Variants in CYP4B1 observed in about 807,000 individuals in gnomAD.
CYP4B1 encodes the protein cytochrome P450 family 4 subfamily B member 1.
A neutral mutation model predicts 54.0 loss-of-function variants in CYP4B1; 45 were observed. The observed-to-expected ratio is 0.83, with a 90% CI of 0.66 to 1.07. CYP4B1 has a LOEUF of 1.07. Ranked by LOEUF, CYP4B1 falls within the 50% of genes least tolerant of loss-of-function variation. The pLI is 0.00. For missense variants in CYP4B1, 656 were observed against 655.4 expected (o/e 1.00, Z -0.01); for synonymous variants, 248 against 247.5 (o/e 1.00, Z -0.02).
intron 8 of CYP4B1, among the ~76,000 whole-genome samples, chr1:46,815,949 A>G (rs1679317712): frequency 6.6e-6 from 1 of 152,100 alleles, no homozygotes; most frequent in Non-Finnish European, 1.5e-5. Context: ...AGCAGCCTCC[A>G]AGAGGGGGCT....
chr1:46,815,184 C>A lies in CYP4B1; in HGVS notation c.993C>A (p.Cys331Ter). ...TTSGISWFLY[C>*]MALYPEHQHR... The stretch of plus-strand genomic sequence containing the variant: ...GTGGTATCTCCTGGTTTCTCTACTG[C>A]ATGGCCCTGTACCCTGAGCACCAGC... Residue 331 changes from cysteine to a stop codon, truncating the protein, a stop_gained, in exon 8 of 12, where the codon TGC (cysteine) becomes TGA (stop). Transcript: ENST00000371923. LOFTEE classifies it high-confidence loss of function. 5 of 1,613,392 alleles carry A rather than the reference C, an allele frequency of 3.1e-6. No homozygotes were observed. The highest frequency in any genetic ancestry group is 4.2e-6 in the Non-Finnish European group (5 of 1,179,582).
chr1:46,802,036 G>A (rs1413197719), intron 1 of CYP4B1, among the ~76,000 whole-genome samples: 1 of 152,166 alleles, frequency 6.6e-6, no homozygotes, highest in African/African-American at 2.4e-5. Flanking sequence ...TTCTCAGAAT[G>A]TGTCTTCTGG....
chr1:46,814,181 G>T, intron 6 of CYP4B1, 28 bp from the exon 7 acceptor site: 1 of 1,612,828 alleles, frequency 6.2e-7, no homozygotes, highest in Non-Finnish European at 8.5e-7. Context: ...GGCTTCCCAG[G>T]CAGTGACACT....
chr1:46,799,670 A>G (rs1280065187), intron 1 of CYP4B1, among the ~76,000 whole-genome samples: 1 of 152,232 alleles, frequency 6.6e-6, no homozygotes, highest in African/African-American at 2.4e-5. Flanking sequence ...AAAGATTTCC[A>G]TTTGTAAGGC....
At chr1:46,806,764 T>A (rs1678878009) in intron 1 of CYP4B1, 1 of 152,146 alleles carries the variant, frequency 6.6e-6, no homozygotes, top group African/African-American at 2.4e-5. Flanking sequence ...GGAGCTGGGA[T>A]CAGTGAATTA....
rs756654639 is a variant in CYP4B1 at position 46,799,058 on chromosome 1, G to A, written c.-24G>A. 3.1e-6 allele frequency: 5 copies of A among 1,613,012 alleles called. No homozygotes were observed. The highest frequency in any genetic ancestry group is 1.7e-4 in the Middle Eastern group (1 of 5,920). ...AGCAGCTGAAGGCAGGTCAGATGAAGGCTAGGTGGCTGGAACTGCAACCAT... is the reference window on the plus strand; with the variant it reads ...AGCAGCTGAAGGCAGGTCAGATGAAAGCTAGGTGGCTGGAACTGCAACCAT... On this transcript the variant is annotated 5_prime_UTR_variant, in exon 1 of 12. Transcript: ENST00000371923.
intron 11 of CYP4B1, 34 bp downstream of exon 11, chr1:46,818,247 A>C: frequency 1.9e-6 from 3 of 1,562,400 alleles, no homozygotes; most frequent in Non-Finnish European, 2.6e-6. Context: ...GGCCCTCAGG[A>C]CTGGGGAGGA....
At chr1:46,813,362 G>A (rs917798606) in intron 4 of CYP4B1, 120 bp from the exon 5 acceptor site, 2 of 1,198,074 alleles carry the variant, frequency 1.7e-6, no homozygotes, top group African/African-American at 1.5e-5. Flanking sequence ...GACTGGGAGT[G>A]TGTGAAGGGG....
At chr1:46,801,493 G>C (rs1388780928) in intron 1 of CYP4B1, among the ~76,000 whole-genome samples, 1 of 146,610 alleles carries the variant, frequency 6.8e-6, no homozygotes, top group Non-Finnish European at 1.5e-5. Context: ...GTCTAGCTTT[G>C]GCTTCTTGGC....
chr1:46,813,882 C>T (rs1679215842), intron 5 of CYP4B1, 27 bp from the exon 6 acceptor site: 2 of 1,608,392 alleles, frequency 1.2e-6, no homozygotes, highest in African/African-American at 1.4e-5. Context: ...GTGTCTAAGC[C>T]AATCCCTCCT....
intron 9 of CYP4B1, 59 bp from the exon 10 acceptor site, chr1:46,817,906 G>A (rs973515479): frequency 1.3e-6 from 2 of 1,496,404 alleles, no homozygotes; most frequent in Admixed American, 3.3e-5. Context: ...CTGACCTTAT[G>A]TGGAGGTAGG....
intron 1 of CYP4B1, chr1:46,806,813 G>A (rs1245811544): frequency 6.6e-6 from 1 of 152,150 alleles, no homozygotes; most frequent in Non-Finnish European, 1.5e-5. Flanking sequence ...CTTCCTTCTG[G>A]AGAAAAAACA....
chr1:46,808,472 G>A (rs553170975), intron 1 of CYP4B1, among the ~76,000 whole-genome samples: 7 of 151,218 alleles, frequency 4.6e-5, no homozygotes, highest in African/African-American at 1.2e-4. Context: ...CATGTCCTTC[G>A]CCCACTTTTT....
At chr1:46,801,795 G>A (rs944094820) in intron 1 of CYP4B1, among the ~76,000 whole-genome samples, 6 of 152,154 alleles carry the variant, frequency 3.9e-5, no homozygotes, top group Non-Finnish European at 8.8e-5. Flanking sequence ...GAGTTAGGTC[G>A]AGACTGGGCC....
At chr1:46,803,943 G>C (rs1557488312) in intron 1 of CYP4B1, among the ~76,000 whole-genome samples, 1 of 152,152 alleles carries the variant, frequency 6.6e-6, no homozygotes, top group Non-Finnish European at 1.5e-5. Context: ...TATGAGTGTG[G>C]GTTTGGAAAT....
chr1:46,814,584 C>A lies in CYP4B1; in HGVS notation c.882+269C>A, dbSNP rs76238772. 2.0e-3 allele frequency among the ~76,000 whole-genome samples: 306 copies of A among 152,180 alleles called. 1 individual carries two copies. Among genetic ancestry groups the A allele is most frequent in the Non-Finnish European group, 3.9e-3 (262 of 68,004 alleles). On this transcript the variant is annotated intron_variant, in intron 7 of 11. Transcript: ENST00000371923. ...TTCTAAGATCCCCCAAAATGTTGGCCTTGTAGAATCCTAGAATCTTAGACT... is the reference window on the plus strand; with the variant it reads ...TTCTAAGATCCCCCAAAATGTTGGCATTGTAGAATCCTAGAATCTTAGACT...
intron 1 of CYP4B1, among the ~76,000 whole-genome samples, chr1:46,804,411 G>C (rs1032492769): frequency 1.3e-5 from 2 of 152,032 alleles, no homozygotes; most frequent in African/African-American, 4.8e-5. Flanking sequence ...CTGAACAAAG[G>C]GAGGTTTGGT....
At chr1:46,813,163 C>T (rs1308798882) in intron 4 of CYP4B1, among the ~76,000 whole-genome samples, 2 of 152,186 alleles carry the variant, frequency 1.3e-5, no homozygotes, top group Non-Finnish European at 2.9e-5. Flanking sequence ...CTTACATATA[C>T]ACCATGCGGG....
In CYP4B1 at chr1:46,800,223, CTCTT is replaced by C. The variant is rs1328788596; in HGVS notation, c.180+977_180+980del. 1.9e-3 allele frequency among the ~76,000 whole-genome samples: 102 copies of C among 52,924 alleles called. 10 individuals carry two copies. Among genetic ancestry groups the C allele is most frequent in the African/African-American group, 4.4e-3 (71 of 16,270 alleles). The allele number at this position is 52,924 out of a possible 152,430, so 34.7% of individuals were successfully genotyped here. ...TCTTTCTTTCTTTCTTTCTCTTTCT[CTCTT>C]TCTTTCTTTCTTTCCTTCCTTCCTT... On this transcript the variant is annotated intron_variant, in intron 1 of 11. Transcript: ENST00000371923.
Sources: allele counts gnomAD v4.1 joint callset (sites outside exome capture counted in the v4.1 genomes callset), GRCh38; gene constraint gnomAD v4.1.1; transcripts MANE v1.5; gene names NCBI Gene and HGNC (gene_info 2026-07-23, HGNC 2026-07-21).